The following PRELID2 variants were observed in gnomAD, a reference collection of about 807,000 sequenced individuals.
PRELID2 encodes PRELI domain-containing protein 2.
A neutral mutation model predicts 28.4 loss-of-function variants in PRELID2; 25 were observed. That is an observed-to-expected ratio of 0.88 (90% CI 0.64 to 1.23). The LOEUF is 1.23. Among genes scored for constraint, PRELID2 ranks in the 50% most tolerant of loss-of-function variants. The pLI, the probability that PRELID2 is intolerant of heterozygous loss-of-function variation, is 0.00. For synonymous variants in PRELID2, 76 were observed against 71.6 expected (o/e 1.06, Z -0.31); for missense variants, 201 against 214.4 (o/e 0.94, Z 0.39).
At chr5:145,403,720 T>C in the PRELID2 span, among the ~76,000 whole-genome samples, 2 of 152,222 alleles carry the variant, frequency 1.3e-5, no homozygotes, top group Non-Finnish European at 2.9e-5. Context: ...TTATCCCTGA[T>C]TTACAGATTG....
At chr5:145,466,024 A>G in the PRELID2 span, among the ~76,000 whole-genome samples, 1 of 152,068 alleles carries the variant, frequency 6.6e-6, no homozygotes, top group African/African-American at 2.4e-5. Context: ...CTGAGCTGAG[A>G]CGTGTCAGAA....
At chr5:145,728,369 G>T in intron 1 of PRELID2, 3 of 404,734 alleles carry the variant, frequency 7.4e-6, no homozygotes, top group Admixed American at 3.1e-5. Context: ...CATCTTCCTG[G>T]AAACCTTTTT....
At chr5:145,415,916 A>AT in the PRELID2 span, among the ~76,000 whole-genome samples, 1 of 151,924 alleles carries the variant, frequency 6.6e-6, no homozygotes, top group Non-Finnish European at 1.5e-5. Flanking sequence ...AAGTGTTCCT[A>AT]TTTCTCCACT....
At chr5:145,339,800 G>A in the PRELID2 span, among the ~76,000 whole-genome samples, 2 of 152,116 alleles carry the variant, frequency 1.3e-5, no homozygotes, top group Non-Finnish European at 2.9e-5. Flanking sequence ...CCCTCAACTG[G>A]CACCATTCTG....
intron 1 of PRELID2, among the ~76,000 whole-genome samples, chr5:145,741,219 T>TAC (rs1756714476): frequency 3.4e-5 from 1 of 29,184 alleles, no homozygotes; most frequent in Non-Finnish European, 6.9e-5. Flanking sequence ...ATATATAAAA[T>TAC]ATATATATAA....
the PRELID2 span, among the ~76,000 whole-genome samples, chr5:145,431,012 T>TG: frequency 3.6e-5 from 5 of 139,614 alleles, no homozygotes; most frequent in South Asian, 2.2e-4. Context: ...AATGGTTTTT[T>TG]TTTTTTTTTT....
chr5:145,731,152 G>A (rs1446973500), intron 1 of PRELID2, among the ~76,000 whole-genome samples: 3 of 152,196 alleles, frequency 2.0e-5, no homozygotes, highest in Non-Finnish European at 4.4e-5. Flanking sequence ...ATTGTTGCAT[G>A]TGTACTAATG....
chr5:145,395,988 C>A, the PRELID2 span, among the ~76,000 whole-genome samples: 1 of 152,168 alleles, frequency 6.6e-6, no homozygotes, highest in Non-Finnish European at 1.5e-5. Context: ...CTCTTCTTCA[C>A]TTGCCTGAAT....
At chr5:145,652,064 C>A (rs1754307875) in intron 1 of PRELID2, among the ~76,000 whole-genome samples, 1 of 152,088 alleles carries the variant, frequency 6.6e-6, no homozygotes, top group African/African-American at 2.4e-5. Flanking sequence ...CTTAAAAGAC[C>A]TGATGGAGCT....
intron 4 of PRELID2, among the ~76,000 whole-genome samples, chr5:145,799,274 A>G (rs901324722): frequency 7.2e-5 from 11 of 151,914 alleles, no homozygotes; most frequent in Admixed American, 5.2e-4. Flanking sequence ...ATCCAGCAAA[A>G]CTATCCTTCA....
intron 5 of PRELID2, among the ~76,000 whole-genome samples, chr5:145,790,745 A>C (rs941930482): frequency 3.4e-5 from 5 of 145,474 alleles, no homozygotes; most frequent in African/African-American, 1.3e-4. Flanking sequence ...ATATATATAT[A>C]TCAAAATGCC....
chr5:145,688,255 C>T (rs1488225594), intron 1 of PRELID2, among the ~76,000 whole-genome samples: 1 of 152,190 alleles, frequency 6.6e-6, no homozygotes, highest in East Asian at 1.9e-4. Context: ...TTGTTGCCCT[C>T]CAGTCTGACT....
At chr5:145,507,003 G>A (rs541940039) in intron 1 of PRELID2, among the ~76,000 whole-genome samples, 1 of 152,060 alleles carries the variant, frequency 6.6e-6, no homozygotes, top group Admixed American at 6.6e-5. Flanking sequence ...TCCCTCCTCT[G>A]GAAATATACA....
intron 1 of PRELID2, among the ~76,000 whole-genome samples, chr5:145,596,969 G>A (rs986020959): frequency 1.3e-5 from 2 of 152,122 alleles, no homozygotes; most frequent in African/African-American, 4.8e-5. Context: ...CCATTGAGAA[G>A]ATGAATGGCA....
the PRELID2 span, among the ~76,000 whole-genome samples, chr5:145,379,087 G>T: frequency 7.9e-5 from 12 of 152,180 alleles, no homozygotes; most frequent in South Asian, 2.3e-3. Flanking sequence ...GATTTTAGGG[G>T]GCCAATGCAC....
chr5:145,759,027 G>GTCTT lies in PRELID2; in HGVS notation c.*1505_*1508dup, dbSNP rs1391825889. 3 of 114,776 alleles carry GTCTT rather than the reference G, an allele frequency of 2.6e-5. No homozygotes were observed. Among genetic ancestry groups the GTCTT allele is most frequent in the Non-Finnish European group, 5.0e-5 (3 of 60,454 alleles). 7.1% of individuals were successfully genotyped at this position (114,776 alleles called of 1,614,324 possible). A position where few individuals can be genotyped will look rare whatever the true frequency, so the allele number is the denominator to read the frequency against. ...TTTTTTTTTTTTTTTTTGTGATGGAGTCTTGCTCTGTCACCCAGGCTGGGG... is the reference window on the plus strand; with the variant it reads ...TTTTTTTTTTTTTTTTTGTGATGGAGTCTTTCTTGCTCTGTCACCCAGGCTGGGG... On this transcript the variant is annotated 3_prime_UTR_variant, in exon 7 of 7. Coordinates refer to ENST00000683046, the MANE Select transcript of PRELID2 (RefSeq NM_205846.3).
At chr5:145,820,052 TAAAGA>T (rs1754658405) in intron 2 of PRELID2, 34 bp from the exon 3 acceptor site, 1 of 1,239,852 alleles carries the variant, frequency 8.1e-7, no homozygotes, top group South Asian at 1.3e-5. Flanking sequence ...AAAAAAAAAT[TAAAGA>T]AATGTGTTCT....
the PRELID2 span, among the ~76,000 whole-genome samples, chr5:145,436,623 T>C: frequency 6.6e-6 from 1 of 152,282 alleles, no homozygotes; most frequent in Admixed American, 6.5e-5. Flanking sequence ...TTTTACGTTT[T>C]AATAATACTC....
the PRELID2 span, among the ~76,000 whole-genome samples, chr5:145,362,143 C>G: frequency 6.6e-6 from 1 of 152,088 alleles, no homozygotes; most frequent in African/African-American, 2.4e-5. Flanking sequence ...TCTTGGGGAC[C>G]TAATAAATAT....
Sources: gnomAD v4.1 joint callset for allele counts (sites outside exome capture counted in the v4.1 genomes callset) on GRCh38, gnomAD v4.1.1 for gene constraint, MANE v1.5 for transcripts, NCBI Gene and HGNC (gene_info 2026-07-23, HGNC 2026-07-21) for gene names.